RMDN2: variants seen among roughly 807,000 people sequenced by gnomAD.
RMDN2 encodes regulator of microtubule dynamics protein 2.
RMDN2 carries 61 observed loss-of-function variants against 52.8 expected under a neutral mutation model. That is an observed-to-expected ratio of 1.16 (90% CI 0.94 to 1.43). The LOEUF (loss-of-function observed/expected upper bound fraction) is 1.43. RMDN2 is among the 40% of genes most tolerant of loss of function. The pLI is 0.00. For synonymous variants in RMDN2, 180 were observed against 153.1 expected, an observed-to-expected ratio of 1.18 and a Z score of -1.30; for missense variants, 592 against 475.3, an observed-to-expected ratio of 1.25 and a Z score of -2.28.
In RMDN2 at chr2:37,989,623, C is replaced by CTTT. The variant is rs112425530; in HGVS notation, c.867+17_867+19dup. ...CTATGGGCACCTCTTCAAGGTATTT[C>CTTT]TTTTTTTTTTTTCATATTTCTTTTC... On this transcript the variant is annotated splice_region_variant and intron_variant, in intron 6 of 10. Coordinates refer to ENST00000354545, the MANE Select transcript of RMDN2 (RefSeq NM_001170791.3). 57 of 1,288,920 alleles carry CTTT rather than the reference C, an allele frequency of 4.4e-5. No homozygotes were observed. Among genetic ancestry groups the CTTT allele is most frequent in the South Asian group, 1.4e-4 (10 of 69,012 alleles). 79.8% of individuals were successfully genotyped at this position (1,288,920 alleles called of 1,614,324 possible). A position where few individuals can be genotyped will look rare whatever the true frequency, so the allele number is the denominator to read the frequency against.
chr2:38,031,570 C>T (rs781495181), intron 10 of RMDN2, among the ~76,000 whole-genome samples: 4 of 152,124 alleles, frequency 2.6e-5, no homozygotes, highest in Non-Finnish European at 2.9e-5. Context: ...AATCCCCTCC[C>T]GCAAATGAAC....
intron 10 of RMDN2, among the ~76,000 whole-genome samples, chr2:38,040,520 A>T (rs1189773546): frequency 6.6e-6 from 1 of 152,190 alleles, no homozygotes; most frequent in Non-Finnish European, 1.5e-5. Context: ...ACCAGACACC[A>T]CATCTGCTGG....
At chr2:37,934,134 C>G (rs1161542535) in intron 2 of RMDN2, among the ~76,000 whole-genome samples, 1 of 152,130 alleles carries the variant, frequency 6.6e-6, no homozygotes, top group African/African-American at 2.4e-5. Flanking sequence ...AAGATTTTTA[C>G]TTCTTTTCAA....
At chr2:38,024,013 G>A (rs1351369981) in intron 10 of RMDN2, among the ~76,000 whole-genome samples, 4 of 151,956 alleles carry the variant, frequency 2.6e-5, no homozygotes, top group African/African-American at 9.7e-5. Context: ...ACATTTTCTA[G>A]TATTTTATAT....
At position 37,953,534 on chromosome 2, in the gene RMDN2, A is replaced by T. The variant is rs533343917; in HGVS notation, c.453-20506A>T. On this transcript the variant is annotated intron_variant, in intron 2 of 10. Coordinates refer to ENST00000354545, the MANE Select transcript of RMDN2 (RefSeq NM_001170791.3). ...ATATGTCAGAATGTCCTTCCTTTTT[A>T]AGGCTGAATAATATTCCACTGTATG... 2.0e-5 allele frequency among the ~76,000 whole-genome samples: 3 copies of T among 152,180 alleles called. No homozygotes were observed. In the South Asian group the frequency reaches 6.2e-4, roughly 32 times the overall value.
chr2:37,951,374 T>C lies in RMDN2; in HGVS notation c.452+21645T>C, dbSNP rs865820251. 1.5e-5 allele frequency: 24 copies of C among 1,613,380 alleles called. 1 individual carries two copies. In the Middle Eastern group the frequency reaches 3.6e-3, roughly 244 times the overall value. On this transcript the variant is annotated intron_variant, in intron 2 of 10. Coordinates refer to ENST00000354545, the MANE Select transcript of RMDN2 (RefSeq NM_001170791.3). ...AAACATCTTATTCCCCTGTAACACA[T>C]AAAGTCAATGCAGCCAAAGCAAGTA...
At chr2:37,962,463 C>T (rs927915808) in intron 2 of RMDN2, among the ~76,000 whole-genome samples, 2 of 152,168 alleles carry the variant, frequency 1.3e-5, no homozygotes, top group Non-Finnish European at 2.9e-5. Flanking sequence ...CCACCCAGTC[C>T]GAACTTCTGG....
chr2:37,987,959 T>G (rs1335723287), intron 5 of RMDN2, among the ~76,000 whole-genome samples: 3 of 152,198 alleles, frequency 2.0e-5, no homozygotes, highest in Non-Finnish European at 4.4e-5. Flanking sequence ...CTCAGGAAGC[T>G]GAAGCATGAG....
intron 2 of RMDN2, among the ~76,000 whole-genome samples, chr2:37,944,514 G>C (rs568059572): frequency 1.3e-5 from 2 of 152,122 alleles, no homozygotes; most frequent in African/African-American, 4.8e-5. Context: ...GCCAACCTCT[G>C]AACTAGAAAA....
intron 2 of RMDN2, among the ~76,000 whole-genome samples, chr2:37,961,345 C>G (rs762047421): frequency 9.9e-5 from 15 of 152,072 alleles, no homozygotes; most frequent in Admixed American, 4.6e-4. Flanking sequence ...TAGGTTTGGT[C>G]TTTTCACATA....
In RMDN2 at chr2:38,031,980, A is replaced by G. The variant is rs1226054428; in HGVS notation, c.1713+27764A>G. On this transcript the variant is annotated intron_variant, in intron 10 of 10. Coordinates refer to the RMDN2 transcript ENST00000234195. ...ACAACAATGCCGCTGCCTATCACTC[A>G]GCCTCAGTCTTCTAAAAAAGAAAAA... Among the ~76,000 whole-genome samples the G allele has an allele frequency of 2.0e-5, 3 of 152,296 alleles. No homozygotes were observed. In the East Asian group the frequency reaches 5.8e-4, roughly 29 times the overall value.
At chr2:37,951,197 T>C (rs1479368079) in intron 2 of RMDN2, 10 of 1,503,678 alleles carry the variant, frequency 6.7e-6, no homozygotes, top group East Asian at 4.5e-5. Context: ...CTGCTCCCTA[T>C]TTTTTTTCCT....
intron 2 of RMDN2, chr2:37,952,222 C>G: frequency 6.2e-7 from 1 of 1,610,268 alleles, no homozygotes; most frequent in Non-Finnish European, 8.5e-7. Context: ...ACTTTACCCT[C>G]TCTTAGAAGG....
At chr2:37,967,952 T>A (rs936732527) in intron 2 of RMDN2, among the ~76,000 whole-genome samples, 1 of 152,234 alleles carries the variant, frequency 6.6e-6, no homozygotes, top group Non-Finnish European at 1.5e-5. Flanking sequence ...TGTCTTGACC[T>A]TGATGAATTA....
chr2:37,977,720 A>T, intron 4 of RMDN2, among the ~76,000 whole-genome samples: 1 of 148,470 alleles, frequency 6.7e-6, no homozygotes, highest in Non-Finnish European at 1.5e-5. Context: ...CACATCTCAG[A>T]TGGGGCGGCG....
intron 2 of RMDN2, among the ~76,000 whole-genome samples, chr2:37,941,731 G>T (rs556093124): frequency 3.3e-5 from 5 of 152,236 alleles, no homozygotes; most frequent in African/African-American, 1.2e-4. Flanking sequence ...CAGTAATGGT[G>T]GATGCCCCTT....
chr2:37,977,900 C>A (rs535009124), intron 4 of RMDN2, among the ~76,000 whole-genome samples: 2 of 152,136 alleles, frequency 1.3e-5, no homozygotes, highest in African/African-American at 4.8e-5. Context: ...AGAGACGCTC[C>A]TCACTTCCTA....
chr2:38,003,515 T>G (rs1452128613), intron 8 of RMDN2, among the ~76,000 whole-genome samples: 1 of 151,094 alleles, frequency 6.6e-6, no homozygotes. Context: ...ATCGCGCCAC[T>G]GCACTCCAGC....
chr2:38,065,478 G>A (rs1349575496), intron 10 of RMDN2, among the ~76,000 whole-genome samples: 3 of 152,144 alleles, frequency 2.0e-5, no homozygotes, highest in Non-Finnish European at 4.4e-5. Context: ...GGCTTCTACT[G>A]TATAACATTG....
Sources: gnomAD v4.1 joint callset for allele counts (sites outside exome capture counted in the v4.1 genomes callset) on GRCh38, gnomAD v4.1.1 for gene constraint, MANE v1.5 for transcripts, NCBI Gene and HGNC (gene_info 2026-07-23, HGNC 2026-07-21) for gene names.